RBM20: variants seen among roughly 807,000 people sequenced by gnomAD.
RBM20 encodes the protein RNA binding motif protein 20, also known as RNA-binding protein 20.
Under a neutral mutation model 110.1 loss-of-function variants are expected in RBM20, and 51 were observed. The ratio of observed to expected loss-of-function variants is 0.46; its 90% CI spans 0.37 to 0.59. The LOEUF is 0.59. Among genes scored for constraint, RBM20 ranks in the 20% least tolerant of loss-of-function variants. The pLI, the probability that RBM20 is intolerant of heterozygous loss-of-function variation, is 0.00. For missense variants in RBM20, 1,512 were observed against 1,574.9 expected, an observed-to-expected ratio of 0.96 and a Z score of 0.68; for synonymous variants, 589 against 618.2, an observed-to-expected ratio of 0.95 and a Z score of 0.70.
intron 1 of RBM20, among the ~76,000 whole-genome samples, chr10:110,737,193 A>AAAAAAAAAAAAAAAAAAAC (rs796374212): frequency 3.4e-5 from 4 of 116,448 alleles, no homozygotes; most frequent in South Asian, 2.6e-4. Context: ...AAAAAAAAAA[A>AAAAAAAAAAAAAAAAAAAC]AAAACACCCC....
chr10:110,810,583 CT>C (rs1259518478), intron 8 of RBM20, 121 bp downstream of exon 8: 1 of 622,614 alleles, frequency 1.6e-6, no homozygotes, highest in African/African-American at 1.9e-5. Flanking sequence ...CCCCATCCAT[CT>C]GCTTTTCTGG....
At chr10:110,741,948 C>T (rs1384486915) in intron 1 of RBM20, among the ~76,000 whole-genome samples, 1 of 152,166 alleles carries the variant, frequency 6.6e-6, no homozygotes, top group Non-Finnish European at 1.5e-5. Context: ...TCCTCTAGGG[C>T]AGAACCCAAA....
At chr10:110,659,063 G>A (rs568047353) in intron 1 of RBM20, among the ~76,000 whole-genome samples, 1 of 152,204 alleles carries the variant, frequency 6.6e-6, no homozygotes, top group South Asian at 2.1e-4. Flanking sequence ...GGCACATAGT[G>A]TGTTGAATAT....
chr10:110,771,569 A>G (rs568972545), intron 1 of RBM20, among the ~76,000 whole-genome samples: 3 of 152,362 alleles, frequency 2.0e-5, no homozygotes, highest in African/African-American at 4.8e-5. Context: ...GTAGACAATT[A>G]TGAGAGCAGG....
intron 1 of RBM20, among the ~76,000 whole-genome samples, chr10:110,713,667 T>C (rs1862972003): frequency 6.6e-6 from 1 of 152,210 alleles, no homozygotes; most frequent in Non-Finnish European, 1.5e-5. Flanking sequence ...ATTTGTACAG[T>C]GTTTTGAAAG....
intron 1 of RBM20, among the ~76,000 whole-genome samples, chr10:110,763,055 A>G (rs936475212): frequency 8.5e-5 from 13 of 152,180 alleles, no homozygotes; most frequent in African/African-American, 3.1e-4. Context: ...GCTGAGGCCA[A>G]CGGAGCCTGG....
chr10:110,657,239 T>C (rs1185609649), intron 1 of RBM20, among the ~76,000 whole-genome samples: 2 of 151,900 alleles, frequency 1.3e-5, no homozygotes, highest in African/African-American at 4.8e-5. Context: ...ATCATCTCGA[T>C]CTCCTGACCT....
intron 1 of RBM20, among the ~76,000 whole-genome samples, chr10:110,653,329 T>G (rs2134809474): frequency 6.6e-6 from 1 of 152,310 alleles, no homozygotes; most frequent in African/African-American, 2.4e-5. Context: ...AAAGTAAACC[T>G]TGCTTTGCGG....
intron 1 of RBM20, among the ~76,000 whole-genome samples, chr10:110,730,755 T>G (rs1047491553): frequency 1.3e-5 from 2 of 152,208 alleles, no homozygotes; most frequent in African/African-American, 4.8e-5. Context: ...TGAGACCTCA[T>G]GCCCAGCCCC....
chr10:110,778,783 G>A (rs1844299928), intron 1 of RBM20, among the ~76,000 whole-genome samples: 1 of 152,190 alleles, frequency 6.6e-6, no homozygotes, highest in South Asian at 2.1e-4. Context: ...CCCTGCCTGT[G>A]GTAACCACAT....
At chr10:110,806,158 C>G (rs534090279) in intron 7 of RBM20, among the ~76,000 whole-genome samples, 1 of 151,846 alleles carries the variant, frequency 6.6e-6, no homozygotes, top group East Asian at 1.9e-4. Context: ...ATCCCAGATG[C>G]TTGGGAAGCT....
At chr10:110,666,083 A>T (rs1191629377) in intron 1 of RBM20, among the ~76,000 whole-genome samples, 1 of 152,224 alleles carries the variant, frequency 6.6e-6, no homozygotes, top group East Asian at 1.9e-4. Context: ...TAAAGTATAG[A>T]TTAAATATGA....
chr10:110,644,526 C>T lies in RBM20; in HGVS notation c.72C>T (p.Cys24=), dbSNP rs2134792657. ...CGGAGCAGCCGGACAGAGTTGCCTG[C>T]AGTGTGCCTGGTGCCCGGGCGTCCC... ...SGPEQPDRVA[C]SVPGARASPA... The change falls in exon 1 of 14, where the codon TGC becomes TGT. Residue 24 remains cysteine, a synonymous_variant. Transcript: ENST00000369519. This position sits in a 1 kb window ranked among gnomAD's most constrained non-coding sequence, Gnocchi z 4.3. 7 of 1,529,464 alleles carry T rather than the reference C, an allele frequency of 4.6e-6. No individual in the cohort carries two copies. Among genetic ancestry groups the T allele is most frequent in the Non-Finnish European group, 6.1e-6 (7 of 1,141,476 alleles). The allele number at this position is 1,529,464 out of a possible 1,614,324, so 94.7% of individuals were successfully genotyped here. A position where few individuals can be genotyped will look rare whatever the true frequency, so the allele number is the denominator to read the frequency against.
chr10:110,761,247 A>G (rs760170142), intron 1 of RBM20: 4 of 152,194 alleles, frequency 2.6e-5, no homozygotes, highest in Non-Finnish European at 5.9e-5. Flanking sequence ...TAGAAAACTT[A>G]CAAAAGGAAA....
At chr10:110,671,582 T>A (rs971269694) in intron 1 of RBM20, among the ~76,000 whole-genome samples, 6 of 152,172 alleles carry the variant, frequency 3.9e-5, no homozygotes, top group Non-Finnish European at 8.8e-5. Flanking sequence ...AGTACCCACC[T>A]CATAGGTCTA....
intron 7 of RBM20, among the ~76,000 whole-genome samples, chr10:110,810,148 G>GCACA (rs1396254478): frequency 2.0e-5 from 3 of 152,140 alleles, no homozygotes; most frequent in African/African-American, 7.2e-5. Context: ...GTGAACACCA[G>GCACA]GCTCCTTCCT....
chr10:110,783,668 G>A (rs1369624510), intron 3 of RBM20, among the ~76,000 whole-genome samples: 12 of 152,236 alleles, frequency 7.9e-5, no homozygotes, highest in Admixed American at 7.8e-4. Flanking sequence ...GCAGAGGCCG[G>A]AAGTGCGTGT....
chr10:110,804,634 T>G (rs1844672532), intron 7 of RBM20, among the ~76,000 whole-genome samples: 1 of 152,206 alleles, frequency 6.6e-6, no homozygotes, highest in South Asian at 2.1e-4. Context: ...AGATGTTTAA[T>G]AAATATGCAA....
At chr10:110,672,024 C>T (rs1050197386) in intron 1 of RBM20, among the ~76,000 whole-genome samples, 1 of 151,786 alleles carries the variant, frequency 6.6e-6, no homozygotes, top group Non-Finnish European at 1.5e-5. Context: ...CCCAGAGGGA[C>T]AAACTTAGGG....
Sources: gnomAD v4.1 joint callset for allele counts (sites outside exome capture counted in the v4.1 genomes callset) on GRCh38, gnomAD v4.1.1 for gene constraint, Gnocchi (gnomAD v3.1) non-coding constraint, MANE v1.5 for transcripts, NCBI Gene and HGNC (gene_info 2026-07-23, HGNC 2026-07-21) for gene names.